BMP1: variants seen among roughly 807,000 people sequenced by gnomAD.
BMP1 encodes the protein bone morphogenetic protein 1.
BMP1 carries 63 observed loss-of-function variants against 116.8 expected under a neutral mutation model. The ratio of observed to expected loss-of-function variants is 0.54; its 90% CI spans 0.44 to 0.67. The LOEUF (loss-of-function observed/expected upper bound fraction) is 0.67, where lower values mean the gene tolerates loss of function less well. BMP1 is among the 30% of genes least tolerant of loss of function. The pLI is 0.00. For missense variants in BMP1, 1,183 were observed against 1,358.9 expected (o/e 0.87, Z 2.04); for synonymous variants, 536 against 533.4 (o/e 1.00, Z -0.07).
At chr8:22,178,741 C>T (rs1347199816) in intron 6 of BMP1, among the ~76,000 whole-genome samples, 1 of 152,112 alleles carries the variant, frequency 6.6e-6, no homozygotes. Flanking sequence ...GTGGCCCAGC[C>T]TCCCCTCCCC....
chr8:22,205,823 G>A (rs189351422), intron 16 of BMP1, among the ~76,000 whole-genome samples: 101 of 152,336 alleles, frequency 6.6e-4, no homozygotes, highest in African/African-American at 2.3e-3. Context: ...TGATCAGGAA[G>A]GTGAGGTCCT....
At chr8:22,210,961 C>T (rs750694081) in intron 19 of BMP1, among the ~76,000 whole-genome samples, 3 of 152,218 alleles carry the variant, frequency 2.0e-5, no homozygotes, top group East Asian at 3.8e-4. Flanking sequence ...CGTTGACGTC[C>T]GATGCTCTGA....
chr8:22,208,109 C>G (rs1282614078), intron 18 of BMP1, among the ~76,000 whole-genome samples: 1 of 152,180 alleles, frequency 6.6e-6, no homozygotes, highest in Non-Finnish European at 1.5e-5. Context: ...GTCTCAAACT[C>G]CTGACCTCAG....
At chr8:22,185,450 A>G (rs767355386) in intron 8 of BMP1, among the ~76,000 whole-genome samples, 5 of 151,768 alleles carry the variant, frequency 3.3e-5, no homozygotes, top group Non-Finnish European at 7.4e-5. Flanking sequence ...AGTAAGACTC[A>G]GTCTCAAAAA....
chr8:22,182,271 A>G (rs1314994189), intron 8 of BMP1, among the ~76,000 whole-genome samples: 4 of 152,198 alleles, frequency 2.6e-5, no homozygotes. Context: ...AGCTCCTTTG[A>G]TAAGCATGAC....
chr8:22,210,236 G>T (rs1053615461), intron 19 of BMP1, among the ~76,000 whole-genome samples: 14 of 152,164 alleles, frequency 9.2e-5, no homozygotes, highest in African/African-American at 3.4e-4. Flanking sequence ...ACTGCTTCTT[G>T]GTCCATAAAA....
At chr8:22,185,368 C>T (rs913188375) in intron 8 of BMP1, among the ~76,000 whole-genome samples, 2 of 151,900 alleles carry the variant, frequency 1.3e-5, no homozygotes, top group African/African-American at 4.8e-5. Flanking sequence ...AGGAGAATCG[C>T]TCGCTCAAAC....
At chr8:22,197,907 G>A (rs891159915) in intron 15 of BMP1, among the ~76,000 whole-genome samples, 2 of 152,170 alleles carry the variant, frequency 1.3e-5, no homozygotes, top group Non-Finnish European at 1.5e-5. Context: ...AGTCGTGGCC[G>A]GGCGCGGTGG....
intron 8 of BMP1, among the ~76,000 whole-genome samples, chr8:22,184,008 A>G (rs1034566744): frequency 2.6e-5 from 4 of 152,244 alleles, no homozygotes; most frequent in African/African-American, 9.6e-5. Flanking sequence ...CCAAAATTAC[A>G]CAAAATTGGA....
At chr8:22,167,081 A>G (rs1393416510) in intron 1 of BMP1, among the ~76,000 whole-genome samples, 1 of 152,208 alleles carries the variant, frequency 6.6e-6, no homozygotes, top group Admixed American at 6.5e-5. Context: ...AGTGCTTAAC[A>G]CACAGTCAGC....
At chr8:22,165,878 C>CGTGGGTGTGTGTGTGT (rs1432185239) in intron 1 of BMP1, among the ~76,000 whole-genome samples, 11 of 67,712 alleles carry the variant, frequency 1.6e-4, no homozygotes, top group African/African-American at 3.1e-4. Context: ...AACTCCTGTG[C>CGTGGGTGTGTGTGTGT]GTGCGTGTGT....
intron 14 of BMP1, among the ~76,000 whole-genome samples, 172 bp from the exon 15 acceptor site, chr8:22,197,068 G>C (rs1045177015): frequency 1.3e-5 from 2 of 152,322 alleles, no homozygotes; most frequent in East Asian, 3.9e-4. Context: ...TTAGGGAGGC[G>C]TGTGGAGCAA....
chr8:22,207,706 G>A (rs1829390158), intron 18 of BMP1, among the ~76,000 whole-genome samples, 190 bp downstream of exon 18: 1 of 152,192 alleles, frequency 6.6e-6, no homozygotes, highest in Non-Finnish European at 1.5e-5. Flanking sequence ...GGTGTGGTTA[G>A]GGGTTAGGAT....
At chr8:22,174,136 C>G (rs1828361985) in intron 2 of BMP1, among the ~76,000 whole-genome samples, 1 of 152,206 alleles carries the variant, frequency 6.6e-6, no homozygotes, top group Non-Finnish European at 1.5e-5. Context: ...AGACCTGAGA[C>G]TCTGCCCAAC....
chr8:22,171,827 G>A (rs1304367287), intron 1 of BMP1: 1 of 152,232 alleles, frequency 6.6e-6, no homozygotes, highest in Non-Finnish European at 1.5e-5. Context: ...GTCTAGGTGA[G>A]GGTGTGTCTC....
chr8:22,200,051 C>A (rs980619267), intron 15 of BMP1, among the ~76,000 whole-genome samples: 2 of 152,212 alleles, frequency 1.3e-5, no homozygotes, highest in African/African-American at 2.4e-5. Flanking sequence ...CATCTTTCTA[C>A]CTCATGGTTC....
At chr8:22,165,682 C>A in intron 1 of BMP1, 129 bp downstream of exon 1, 37 of 780,924 alleles carry the variant, frequency 4.7e-5, no homozygotes, top group South Asian at 2.1e-4. Flanking sequence ...CAGTGGGGAA[C>A]AAAAGAACGA....
At chr8:22,200,900 G>T (rs147262570) in intron 15 of BMP1, among the ~76,000 whole-genome samples, 2 of 152,064 alleles carry the variant, frequency 1.3e-5, no homozygotes, top group Non-Finnish European at 2.9e-5. Flanking sequence ...TCTCTGTCCC[G>T]TCGCTGTGCC....
chr8:22,200,749 C>G (rs1829236542), intron 15 of BMP1, among the ~76,000 whole-genome samples: 1 of 152,138 alleles, frequency 6.6e-6, no homozygotes, highest in African/African-American at 2.4e-5. Flanking sequence ...GAATGAGAGC[C>G]AGAGCAGAGC....
Sources: gnomAD v4.1 joint callset for allele counts (sites outside exome capture counted in the v4.1 genomes callset) on GRCh38, gnomAD v4.1.1 for gene constraint, MANE v1.5 for transcripts, NCBI Gene and HGNC (gene_info 2026-07-23, HGNC 2026-07-21) for gene names.